The following UBE2V2 variants were observed in gnomAD, a reference collection of about 807,000 sequenced individuals.
UBE2V2 encodes the protein ubiquitin conjugating enzyme E2 V2.
Under a neutral mutation model 17.2 loss-of-function variants are expected in UBE2V2, and 9 were observed. The observed-to-expected ratio is 0.52, with a 90% CI of 0.32 to 0.91. The LOEUF (loss-of-function observed/expected upper bound fraction) is 0.91, where lower values mean the gene tolerates loss of function less well. UBE2V2 is among the 40% of genes least tolerant of loss of function. UBE2V2 has a pLI of 0.04. For synonymous variants in UBE2V2, 61 were observed against 57.5 expected, an observed-to-expected ratio of 1.06 and a Z score of -0.28; for missense variants, 133 against 182.6, an observed-to-expected ratio of 0.73 and a Z score of 1.56.
At chr8:48,013,928 A>G (rs2091250254) in intron 1 of UBE2V2, among the ~76,000 whole-genome samples, 1 of 152,178 alleles carries the variant, frequency 6.6e-6, no homozygotes, top group Non-Finnish European at 1.5e-5. Flanking sequence ...TTCCCATCCC[A>G]TCTGTGAAAA....
chr8:48,009,267 C>CTTTTTTTTTTTTTTTT, intron 1 of UBE2V2, among the ~76,000 whole-genome samples: 1 of 133,804 alleles, frequency 7.5e-6, no homozygotes, highest in Non-Finnish European at 1.6e-5. Flanking sequence ...CTTTTCTTTT[C>CTTTTTTTTTTTTTTTT]TTTTTTTTTT....
chr8:48,019,402 C>T (rs143145448), intron 1 of UBE2V2, among the ~76,000 whole-genome samples: 160 of 152,072 alleles, frequency 1.1e-3, no homozygotes, highest in Admixed American at 2.0e-3. Flanking sequence ...GTGGTGGGCT[C>T]CTGTAGTACC....
At chr8:48,051,612 C>A (rs2091539038) in intron 3 of UBE2V2, among the ~76,000 whole-genome samples, 1 of 152,168 alleles carries the variant, frequency 6.6e-6, no homozygotes, top group Non-Finnish European at 1.5e-5. Context: ...AGTTGAGAAA[C>A]CTGGCTCCCA....
rs1802633175 is a variant in UBE2V2 at position 48,064,279 on chromosome 8, T to C, written c.*3451T>C. 1 of 152,194 alleles carries C rather than the reference T, an allele frequency of 6.6e-6. No individual in the cohort carries two copies. The highest frequency in any genetic ancestry group is 2.4e-5 in the African/African-American group (1 of 41,448). The allele number at this position is 152,194 out of a possible 1,614,324, so 9.4% of individuals were successfully genotyped here. On this transcript the variant is annotated 3_prime_UTR_variant, in exon 4 of 4. Transcript: ENST00000523111. ...ACTGCTTTTACTTTTCTGATAAGTA[T>C]CAAAATGATTTTCCAGTACCAACTT...
intron 1 of UBE2V2, among the ~76,000 whole-genome samples, chr8:48,019,158 A>G (rs1311330729): frequency 6.6e-6 from 1 of 152,104 alleles, no homozygotes; most frequent in African/African-American, 2.4e-5. Flanking sequence ...CGAGGTTGGG[A>G]GTTCAAGACC....
At chr8:48,028,645 G>C (rs867388536) in intron 1 of UBE2V2, among the ~76,000 whole-genome samples, 1 of 151,632 alleles carries the variant, frequency 6.6e-6, no homozygotes, top group African/African-American at 2.4e-5. Flanking sequence ...GACCAACACA[G>C]CTAATTTTTT....
chr8:48,021,312 T>TC (rs1169864866), intron 1 of UBE2V2, among the ~76,000 whole-genome samples: 2 of 143,990 alleles, frequency 1.4e-5, no homozygotes, highest in East Asian at 3.9e-4. Flanking sequence ...CCCTTTTTTT[T>TC]TTTTTTTTTT....
chr8:48,010,400 T>G (rs2091219856), intron 1 of UBE2V2, among the ~76,000 whole-genome samples: 1 of 97,240 alleles, frequency 1.0e-5, no homozygotes. Context: ...CATCTACTAG[T>G]TTTTTTTTTT....
intron 1 of UBE2V2, among the ~76,000 whole-genome samples, chr8:48,009,939 C>T (rs973101087): frequency 1.6e-4 from 24 of 152,108 alleles, no homozygotes; most frequent in South Asian, 2.1e-4. Context: ...TGCTCGTTAA[C>T]GGGGCCATAT....
At chr8:48,051,439 A>G (rs1190001444) in intron 3 of UBE2V2, among the ~76,000 whole-genome samples, 1 of 152,114 alleles carries the variant, frequency 6.6e-6, no homozygotes, top group Non-Finnish European at 1.5e-5. Flanking sequence ...ATTTTGTACT[A>G]CAAATGTATC....
rs574939719 is a variant in UBE2V2 at position 48,062,015 on chromosome 8, G to A, written c.*1187G>A. 2.0e-5 allele frequency: 3 copies of A among 152,058 alleles called. No homozygotes were observed. Among genetic ancestry groups the A allele is most frequent in the Non-Finnish European group, 2.9e-5 (2 of 68,004 alleles). The allele number at this position is 152,058 out of a possible 1,614,324, so 9.4% of individuals were successfully genotyped here. ...ACAAGGATAACTTTATTCATTCCTC[G>A]TATTCTCTACTCTAACAAATATGAA... On this transcript the variant is annotated 3_prime_UTR_variant, in exon 4 of 4. Coordinates refer to ENST00000523111, the MANE Select transcript of UBE2V2 (RefSeq NM_003350.3).
At chr8:48,055,669 A>G (rs2091567079) in intron 3 of UBE2V2, among the ~76,000 whole-genome samples, 1 of 152,040 alleles carries the variant, frequency 6.6e-6, no homozygotes, top group South Asian at 2.1e-4. Flanking sequence ...CCAGGTTTGG[A>G]ACATTTTTGT....
At chr8:48,020,713 T>G (rs976588275) in intron 1 of UBE2V2, among the ~76,000 whole-genome samples, 3 of 152,130 alleles carry the variant, frequency 2.0e-5, no homozygotes, top group Non-Finnish European at 4.4e-5. Flanking sequence ...TCAAGCCGTC[T>G]TCTTGCCTCA....
chr8:48,033,203 C>G (rs2091396021), intron 1 of UBE2V2, among the ~76,000 whole-genome samples: 1 of 150,716 alleles, frequency 6.6e-6, no homozygotes, highest in South Asian at 2.1e-4. Context: ...TTTTTTTTTC[C>G]TGAGACGGTG....
At chr8:48,045,387 A>G (rs999462531) in intron 2 of UBE2V2, among the ~76,000 whole-genome samples, 2 of 152,172 alleles carry the variant, frequency 1.3e-5, no homozygotes, top group Non-Finnish European at 2.9e-5. Flanking sequence ...TGATGGTAAC[A>G]CACTAGGTAA....
In UBE2V2 at chr8:48,062,604, A is replaced by G. The variant is rs1053284358; in HGVS notation, c.*1776A>G. The G allele has an allele frequency of 1.4e-5, 2 of 142,442 alleles. No individual in the cohort carries two copies. Among genetic ancestry groups the G allele is most frequent in the African/African-American group, 5.2e-5 (2 of 38,470 alleles). 8.8% of individuals were successfully genotyped at this position (142,442 alleles called of 1,614,324 possible). On this transcript the variant is annotated 3_prime_UTR_variant, in exon 4 of 4. Coordinates refer to ENST00000523111, the MANE Select transcript of UBE2V2 (RefSeq NM_003350.3). ...CTCCATCTCAAAAAAAAAAAAAAAA[A>G]GAAAAATATTAATAATTGACCTTGG...
At chr8:48,050,010 A>G (rs2091525175) in intron 3 of UBE2V2, 32 bp downstream of exon 3, 7 of 1,411,884 alleles carry the variant, frequency 5.0e-6, no homozygotes, top group Non-Finnish European at 6.7e-6. Context: ...GGTTTTATAT[A>G]ACATAATGTA....
At chr8:48,059,514 T>G (rs1802554303) in intron 3 of UBE2V2, among the ~76,000 whole-genome samples, 1 of 152,028 alleles carries the variant, frequency 6.6e-6, no homozygotes, top group African/African-American at 2.4e-5. Flanking sequence ...GTTCAAGTGA[T>G]TCTCCTGCCT....
At chr8:48,015,895 GTTTTTT>G (rs1168641766) in intron 1 of UBE2V2, among the ~76,000 whole-genome samples, 6 of 132,214 alleles carry the variant, frequency 4.5e-5, no homozygotes, top group African/African-American at 1.4e-4. Flanking sequence ...TGTCTGTGTG[GTTTTTT>G]TTTTTTTTTT....
Sources: gnomAD v4.1 joint callset for allele counts (sites outside exome capture counted in the v4.1 genomes callset) on GRCh38, gnomAD v4.1.1 for gene constraint, MANE v1.5 for transcripts, NCBI Gene and HGNC (gene_info 2026-07-23, HGNC 2026-07-21) for gene names.